Variants in SMYD2 observed in about 807,000 individuals in gnomAD.
The protein encoded by SMYD2 is SET and MYND domain containing 2.
A neutral mutation model predicts 59.1 loss-of-function variants in SMYD2; 53 were observed. The ratio of observed to expected loss-of-function variants is 0.90; its 90% confidence interval spans 0.72 to 1.13. The LOEUF is 1.13. SMYD2 is among the 50% of genes most tolerant of loss of function. SMYD2 has a pLI of 0.00. For missense variants in SMYD2, 494 were observed against 544.7 expected, an observed-to-expected ratio of 0.91 and a Z score of 0.93; for synonymous variants, 208 against 198.8, an observed-to-expected ratio of 1.05 and a Z score of -0.39.
intron 7 of SMYD2, among the ~76,000 whole-genome samples, chr1:214,329,350 G>A (rs1657313796): frequency 6.6e-6 from 1 of 152,058 alleles, no homozygotes; most frequent in South Asian, 2.1e-4. Flanking sequence ...TCACTGGCAC[G>A]CTAGCGGCTT....
In SMYD2 at chr1:214,281,165, C is replaced by A; in HGVS notation, c.-90C>A. The A allele has an allele frequency of 9.9e-7, 1 of 1,014,434 alleles. No homozygotes were observed. The highest frequency in any genetic ancestry group is 1.3e-6 in the Non-Finnish European group (1 of 799,250). The allele number at this position is 1,014,434 out of a possible 1,614,324, so 62.8% of individuals were successfully genotyped here. A position where few individuals can be genotyped will look rare whatever the true frequency, so the allele number is the denominator to read the frequency against. On this transcript the variant is annotated 5_prime_UTR_variant, in exon 1 of 12. Transcript: ENST00000366957. ...CGTCCGCCGGGCGGCTCCCACCCCG[C>A]CCCCCGCAGCTCTAGGTGACGCGTC...
chr1:214,281,533 G>T (rs949880504), intron 1 of SMYD2, 106 bp downstream of exon 1: 41 of 619,240 alleles, frequency 6.6e-5, no homozygotes, highest in Admixed American at 3.5e-4. Context: ...TCCTAGCGCC[G>T]GCCCTTGGGG....
chr1:214,294,659 A>G (rs1276208978), intron 1 of SMYD2, among the ~76,000 whole-genome samples: 1 of 152,232 alleles, frequency 6.6e-6, no homozygotes, highest in African/African-American at 2.4e-5. Flanking sequence ...TGACAGAGCA[A>G]GACCCTCTCT....
In SMYD2 at chr1:214,330,982, C is replaced by G; in HGVS notation, c.849C>G (p.Ser283Arg). ...DKAKVEIRKL[S>R]DPPKAEAIRD... ...CCAAGGTGGAAATCCGGAAGCTCAGCGATCCCCCAAAGGCAGAAGCCATCC... is the reference window on the plus strand; with the variant it reads ...CCAAGGTGGAAATCCGGAAGCTCAGGGATCCCCCAAAGGCAGAAGCCATCC... Residue 283 changes from serine to arginine, a missense_variant, in exon 9 of 12, where the codon AGC becomes AGG. Physicochemically the swap from Ser to Arg is moderately radical, Grantham distance 110 (BLOSUM62 -1). Coordinates refer to ENST00000366957, the MANE Select transcript of SMYD2 (RefSeq NM_020197.3). 1 of 1,614,190 alleles carries G rather than the reference C, an allele frequency of 6.2e-7. No individual in the cohort carries two copies. Among genetic ancestry groups the G allele is most frequent in the Non-Finnish European group, 8.5e-7 (1 of 1,180,032 alleles).
chr1:214,328,214 G>A (rs1309236241), intron 7 of SMYD2, among the ~76,000 whole-genome samples: 1 of 152,188 alleles, frequency 6.6e-6, no homozygotes, highest in Admixed American at 6.5e-5. Flanking sequence ...AGTAGCTAAA[G>A]AGCTGGCACT....
In SMYD2 at chr1:214,312,736, T is replaced by C. The variant is rs1199621109; in HGVS notation, c.238-2026T>C. Among the ~76,000 whole-genome samples, 1 of 152,166 alleles carries C rather than the reference T, an allele frequency of 6.6e-6. No homozygotes were observed. The highest frequency in any genetic ancestry group is 1.9e-4 in the East Asian group (1 of 5,182). ...AGGCAGGTGAGAGTACGGTGGGGGATGATGGGCTGGGGTGGTGCAGGGACG... is the reference window on the plus strand; with the variant it reads ...AGGCAGGTGAGAGTACGGTGGGGGACGATGGGCTGGGGTGGTGCAGGGACG... On this transcript the variant is annotated intron_variant, in intron 2 of 11. Coordinates refer to ENST00000366957, the MANE Select transcript of SMYD2 (RefSeq NM_020197.3). The surrounding 1 kb of genome is among the most constrained non-coding windows in gnomAD (Gnocchi z 4.1).
At chr1:214,305,097 CA>C in intron 1 of SMYD2, 89 bp from the exon 2 acceptor site, 1 of 1,268,140 alleles carries the variant, frequency 7.9e-7, no homozygotes, top group Admixed American at 1.7e-5. Context: ...CTCTGCTTTC[CA>C]ACCAAGTGGC....
chr1:214,324,563 C>A, intron 5 of SMYD2, 78 bp from the exon 6 acceptor site: 1 of 1,309,482 alleles, frequency 7.6e-7, no homozygotes, highest in South Asian at 1.3e-5. Flanking sequence ...TGTTAAAAGT[C>A]AAAATTTAAA....
Position 214,332,211 on chromosome 1 carries a change from C to A in SMYD2, c.1112+19C>A, listed in dbSNP as rs1229948641. On this transcript the variant is annotated intron_variant, in intron 10 of 11. Coordinates refer to ENST00000366957, the MANE Select transcript of SMYD2 (RefSeq NM_020197.3). ...CCTACAGGTGATTGCAGAGGCTGTT[C>A]TAATCATCCACGGAGTGGAATTTGG... The A allele has an allele frequency of 6.2e-7, 1 of 1,612,082 alleles. No homozygotes were observed. Among genetic ancestry groups the A allele is most frequent in the African/African-American group, 1.3e-5 (1 of 74,870 alleles).
chr1:214,294,646 A>G lies in SMYD2; in HGVS notation c.174-10541A>G, dbSNP rs377418571. Among the ~76,000 whole-genome samples the G allele has an allele frequency of 1.7e-4, 26 of 152,298 alleles. No individual in the cohort carries two copies. In the East Asian group the frequency reaches 2.7e-3, roughly 16 times the overall value. ...AGATTGTGCCACCGCACTCCAGCCT[A>G]GGTGACAGAGCAAGACCCTCTCTCA... On this transcript the variant is annotated intron_variant, in intron 1 of 11. Transcript: ENST00000366957.
intron 1 of SMYD2, among the ~76,000 whole-genome samples, chr1:214,293,337 A>C (rs1656669506): frequency 6.6e-6 from 1 of 152,188 alleles, no homozygotes. Context: ...GATAGGCATG[A>C]GCCACCGCAC....
At chr1:214,324,608 A>AT (rs71556604) in intron 5 of SMYD2, 33 bp from the exon 6 acceptor site, 2 of 1,571,548 alleles carry the variant, frequency 1.3e-6, no homozygotes, top group South Asian at 1.2e-5. Context: ...GCTCCAGCTC[A>AT]TTTTTTTCCT....
chr1:214,305,720 G>T (rs946265970), intron 2 of SMYD2, among the ~76,000 whole-genome samples: 3 of 152,100 alleles, frequency 2.0e-5, no homozygotes, highest in Non-Finnish European at 4.4e-5. Context: ...CCAGAGGGGG[G>T]GCTATTCTGA....
chr1:214,286,497 A>G, intron 1 of SMYD2, among the ~76,000 whole-genome samples: 1 of 152,058 alleles, frequency 6.6e-6, no homozygotes, highest in South Asian at 2.1e-4. Context: ...TGGACTGGGC[A>G]TGGTGGCTCA....
At chr1:214,298,986 T>G (rs1206940778) in intron 1 of SMYD2, among the ~76,000 whole-genome samples, 3 of 152,024 alleles carry the variant, frequency 2.0e-5, no homozygotes, top group African/African-American at 7.2e-5. Context: ...GGCCCTCATC[T>G]CTACAAAATA....
intron 1 of SMYD2, among the ~76,000 whole-genome samples, chr1:214,292,089 T>TGAGAGAGAGAGAGAGAGAGA (rs56410935): frequency 1.2e-4 from 17 of 145,990 alleles, no homozygotes; most frequent in African/African-American, 2.8e-4. Flanking sequence ...TTTTCTAGGG[T>TGAGAGAGAGAGAGAGAGAGA]GAGAGAGAGA....
rs79389518 is a variant in SMYD2, at chr1:214,328,336, G to A, written c.705+612G>A. Among the ~76,000 whole-genome samples the A allele has an allele frequency of 6.5e-3, 994 of 152,288 alleles. 11 individuals carry two copies. Among genetic ancestry groups the A allele is most frequent in the African/African-American group, 0.023 (935 of 41,542 alleles). On this transcript the variant is annotated intron_variant, in intron 7 of 11. Coordinates refer to ENST00000366957, the MANE Select transcript of SMYD2 (RefSeq NM_020197.3). Reference sequence around the variant, plus strand: ...AGTCCAGGTATATGCAGTAATAGGAGAAGTCAAGGCAGTCTGTGGCCAAGG... The same window carrying A: ...AGTCCAGGTATATGCAGTAATAGGAAAAGTCAAGGCAGTCTGTGGCCAAGG...
intron 3 of SMYD2, among the ~76,000 whole-genome samples, chr1:214,316,081 G>C (rs938583791): frequency 1.3e-5 from 2 of 152,216 alleles, no homozygotes; most frequent in Non-Finnish European, 1.5e-5. Context: ...TAGGCAGTGT[G>C]GGGCTTAGAA....
chr1:214,292,430 T>C (rs1465447703), intron 1 of SMYD2, among the ~76,000 whole-genome samples: 1 of 152,162 alleles, frequency 6.6e-6, no homozygotes. Flanking sequence ...TCTGGATTAG[T>C]TCCCTTCGTC....
Sources: gnomAD v4.1 joint callset for allele counts (sites outside exome capture counted in the v4.1 genomes callset) on GRCh38, gnomAD v4.1.1 for gene constraint, Gnocchi (gnomAD v3.1) non-coding constraint, MANE v1.5 for transcripts, NCBI Gene and HGNC (gene_info 2026-07-23, HGNC 2026-07-21) for gene names.